KAT2B: variants seen among roughly 807,000 people sequenced by gnomAD.
KAT2B encodes the protein lysine acetyltransferase 2B.
In KAT2B, 36 loss-of-function variants were observed where a neutral mutation model predicts 105.9. That is an observed-to-expected ratio of 0.34 (90% confidence interval 0.26 to 0.45). The LOEUF is 0.45. Ranked by LOEUF, KAT2B falls within the 20% of genes least tolerant of loss-of-function variation. The pLI, the probability that KAT2B is intolerant of heterozygous loss-of-function variation, is 1.00. For missense variants in KAT2B, 820 were observed against 1,021.6 expected, an observed-to-expected ratio of 0.80 and a Z score of 2.69; for synonymous variants, 397 against 377.9, an observed-to-expected ratio of 1.05 and a Z score of -0.59.
At chr3:20,071,858 A>T (rs1446271573) in intron 1 of KAT2B, among the ~76,000 whole-genome samples, 1 of 152,176 alleles carries the variant, frequency 6.6e-6, no homozygotes, top group Non-Finnish European at 1.5e-5. Flanking sequence ...CATCTTCCTA[A>T]GATTGCTAAC....
chr3:20,075,518 G>T (rs191093601), intron 2 of KAT2B, among the ~76,000 whole-genome samples: 3 of 152,212 alleles, frequency 2.0e-5, no homozygotes, highest in African/African-American at 4.8e-5. Flanking sequence ...CCAATTGCAA[G>T]TCCCAGGTTA....
chr3:20,082,427 A>G (rs1698536459), intron 2 of KAT2B, among the ~76,000 whole-genome samples: 1 of 152,106 alleles, frequency 6.6e-6, no homozygotes, highest in Non-Finnish European at 1.5e-5. Flanking sequence ...TTTGTATTCT[A>G]ATTTTATCTG....
intron 2 of KAT2B, among the ~76,000 whole-genome samples, chr3:20,088,531 G>A (rs528580962): frequency 1.3e-5 from 2 of 152,050 alleles, no homozygotes; most frequent in Admixed American, 1.3e-4. Context: ...ATACCTGTTG[G>A]CCATTTGTAT....
At position 20,040,537 on chromosome 3, in the gene KAT2B, CG is replaced by C; in HGVS notation, c.63del (p.Ala24ArgfsTer54). On this transcript the variant is annotated frameshift_variant, in exon 1 of 18. Coordinates refer to ENST00000263754, the MANE Select transcript of KAT2B (RefSeq NM_003884.5). LOFTEE classifies it high-confidence loss of function. ...GCGAGAGAGAGPGALPPQPAA... is the reference protein window; with the variant it reads ...GCGAGAGAGAXPGALPPQPAA... ...GCGGGGCAGGAGCCGGGGCAGGGGC[CG>C]GGCCCGGGGCGCTGCCCCCGCAGCC... 1 of 1,004,342 alleles carries C rather than the reference CG, an allele frequency of 1.0e-6. No individual in the cohort carries two copies. Among genetic ancestry groups the C allele is most frequent in the Non-Finnish European group, 1.2e-6 (1 of 838,280 alleles). 62.2% of individuals were successfully genotyped at this position (1,004,342 alleles called of 1,614,324 possible). A position where few individuals can be genotyped will look rare whatever the true frequency, so the allele number is the denominator to read the frequency against.
intron 3 of KAT2B, among the ~76,000 whole-genome samples, chr3:20,097,802 C>T (rs1698837562): frequency 6.6e-6 from 1 of 152,018 alleles, no homozygotes; most frequent in Non-Finnish European, 1.5e-5. Flanking sequence ...TTCCAAAGTG[C>T]TGGGATTACA....
chr3:20,106,979 GTATATATATATATATATATATATA>G (rs869172127), intron 5 of KAT2B, among the ~76,000 whole-genome samples: 14 of 33,504 alleles, frequency 4.2e-4, no homozygotes, highest in Middle Eastern at 0.031. Flanking sequence ...ATATATATAT[GTATATATATATATATATATATATA>G]TATATATATA....
intron 2 of KAT2B, among the ~76,000 whole-genome samples, chr3:20,079,006 C>T (rs1354989107): frequency 6.6e-6 from 1 of 150,984 alleles, no homozygotes; most frequent in Admixed American, 6.6e-5. Context: ...GCCTCAGCTT[C>T]CCAGGTAGCT....
intron 2 of KAT2B, among the ~76,000 whole-genome samples, chr3:20,078,098 G>T (rs1331651723): frequency 2.0e-5 from 3 of 152,226 alleles, no homozygotes; most frequent in Admixed American, 6.5e-5. Flanking sequence ...AGGATGGCCT[G>T]AGCCTGGGAG....
chr3:20,044,069 G>GAA (rs376427623), intron 1 of KAT2B, among the ~76,000 whole-genome samples: 5 of 137,694 alleles, frequency 3.6e-5, no homozygotes, highest in Non-Finnish European at 4.7e-5. Flanking sequence ...AATAGAAAAA[G>GAA]AAAAAAAAAA....
chr3:20,141,381 A>T (rs955066137), intron 13 of KAT2B, among the ~76,000 whole-genome samples: 6 of 151,328 alleles, frequency 4.0e-5, no homozygotes, highest in African/African-American at 1.5e-4. Flanking sequence ...AAAAAAAAAC[A>T]CTCATGATGA....
chr3:20,072,229 A>G, intron 1 of KAT2B, 104 bp from the exon 2 acceptor site: 2 of 1,179,132 alleles, frequency 1.7e-6, no homozygotes, highest in Non-Finnish European at 2.5e-6. Context: ...GTCAGGGGTG[A>G]GGGGATAGCT....
chr3:20,112,270 C>T (rs758925186), intron 6 of KAT2B, among the ~76,000 whole-genome samples: 9 of 151,226 alleles, frequency 6.0e-5, no homozygotes, highest in Non-Finnish European at 1.2e-4. Flanking sequence ...GGAAACTAGA[C>T]TGCAAAAGCA....
intron 2 of KAT2B, among the ~76,000 whole-genome samples, chr3:20,074,612 T>C (rs1559302429): frequency 3.3e-5 from 5 of 152,222 alleles, no homozygotes; most frequent in Admixed American, 2.6e-4. Flanking sequence ...ATATACTCTG[T>C]CTAGCTTAAA....
At chr3:20,047,820 T>A (rs1041676412) in intron 1 of KAT2B, among the ~76,000 whole-genome samples, 4 of 151,972 alleles carry the variant, frequency 2.6e-5, no homozygotes, top group Admixed American at 2.0e-4. Context: ...TTCACCATGT[T>A]GGCCAGGCTG....
chr3:20,139,391 G>A (rs1444461678), intron 12 of KAT2B, among the ~76,000 whole-genome samples: 1 of 152,176 alleles, frequency 6.6e-6, no homozygotes, highest in Non-Finnish European at 1.5e-5. Context: ...TTGAGCATCA[G>A]CTTTCCTCAG....
At chr3:20,117,320 A>G (rs1699223695) in intron 7 of KAT2B, among the ~76,000 whole-genome samples, 1 of 152,124 alleles carries the variant, frequency 6.6e-6, no homozygotes. Flanking sequence ...CTCTTGTTCT[A>G]CTGTAATTGC....
At chr3:20,129,119 G>A (rs1699463776) in intron 11 of KAT2B, among the ~76,000 whole-genome samples, 1 of 151,700 alleles carries the variant, frequency 6.6e-6, no homozygotes, top group Non-Finnish European at 1.5e-5. Flanking sequence ...TTATTGGAAG[G>A]TCTAAAGCAA....
chr3:20,044,427 T>A (rs7652967), intron 1 of KAT2B, among the ~76,000 whole-genome samples: 36,033 of 150,992 alleles, frequency 0.24, 5,147 homozygotes, highest in African/African-American at 0.4. Context: ...AAAAAAAAAA[T>A]AAATAAATAA....
Position 20,091,009 on chromosome 3 carries a change from C to T in KAT2B, c.431-4254C>T, listed in dbSNP as rs758144002. Reference sequence around the variant, plus strand: ...TTAAGCATTTCTCCTACCTCAGCCTCCTGAAGTGCTGGGATTATAGGCATG... The same window carrying T: ...TTAAGCATTTCTCCTACCTCAGCCTTCTGAAGTGCTGGGATTATAGGCATG... On this transcript the variant is annotated intron_variant, in intron 2 of 17. Transcript: ENST00000263754. 1.8e-4 allele frequency among the ~76,000 whole-genome samples: 28 copies of T among 152,266 alleles called. No homozygotes were observed. The South Asian group carries it at 2.3e-3, about 12-fold the overall frequency.
Sources: allele counts gnomAD v4.1 joint callset (sites outside exome capture counted in the v4.1 genomes callset), GRCh38; gene constraint gnomAD v4.1.1; transcripts MANE v1.5; gene names NCBI Gene and HGNC (gene_info 2026-07-23, HGNC 2026-07-21).